The following IL23R variants were observed in gnomAD, a reference collection of about 807,000 sequenced individuals.
IL23R encodes the protein interleukin-23 receptor.
In IL23R, 34 loss-of-function variants were observed where a neutral mutation model predicts 56.9. The ratio of observed to expected loss-of-function variants is 0.60; its 90% CI spans 0.45 to 0.80. IL23R has a LOEUF of 0.80. IL23R is among the 30% of genes least tolerant of loss of function. IL23R has a pLI of 0.00. For synonymous variants in IL23R, 230 were observed against 249.2 expected (o/e 0.92, Z 0.73); for missense variants, 635 against 730.0 (o/e 0.87, Z 1.50).
chr1:67,241,613 GGTTATGGTGTCCT>G (rs1272122554), intron 9 of IL23R, among the ~76,000 whole-genome samples: 16 of 152,236 alleles, frequency 1.1e-4, no homozygotes, highest in Non-Finnish European at 2.2e-4. Flanking sequence ...GTAATTCATA[GGTTATGGTGTCCT>G]GATGGTCACA....
intron 1 of IL23R, among the ~76,000 whole-genome samples, chr1:67,147,743 G>C (rs1464771540): frequency 6.6e-6 from 1 of 152,044 alleles, no homozygotes; most frequent in Middle Eastern, 3.2e-3. Context: ...TAGTTCTCTC[G>C]TACTGCTCTC....
At chr1:67,247,625 T>A (rs1315445657) in intron 9 of IL23R, among the ~76,000 whole-genome samples, 1 of 152,190 alleles carries the variant, frequency 6.6e-6, no homozygotes, top group African/African-American at 2.4e-5. Flanking sequence ...CATTTAAGGT[T>A]AATATTGTTA....
chr1:67,261,753 A>C (rs1419204606), downstream of IL23R, among the ~76,000 whole-genome samples: 1 of 152,254 alleles, frequency 6.6e-6, no homozygotes, highest in Non-Finnish European at 1.5e-5. Context: ...ATATTTTTAT[A>C]GTACGTTTCA....
chr1:67,155,970 G>GT (rs1403778404), intron 1 of IL23R, among the ~76,000 whole-genome samples: 3 of 152,248 alleles, frequency 2.0e-5, no homozygotes, highest in East Asian at 3.9e-4. Flanking sequence ...TTTGGATAGG[G>GT]TTTTTGTGGG....
At chr1:67,161,795 T>C (rs1646823281), upstream of IL23R, among the ~76,000 whole-genome samples, 1 of 151,802 alleles carries the variant, frequency 6.6e-6, no homozygotes, top group Non-Finnish European at 1.5e-5. Context: ...GCCTGGCTAA[T>C]TTTTGTATTT....
chr1:67,206,810 T>A, intron 5 of IL23R, 100 bp from the exon 6 acceptor site: 1 of 1,253,570 alleles, frequency 8.0e-7, no homozygotes, highest in South Asian at 1.4e-5. Context: ...TTTTTTTTAC[T>A]TTGAGCTTTC....
At chr1:67,179,096 T>C (rs181770829) in intron 3 of IL23R, among the ~76,000 whole-genome samples, 2 of 152,314 alleles carry the variant, frequency 1.3e-5, no homozygotes, top group African/African-American at 4.8e-5. Context: ...GTTGTGTCTC[T>C]GCCAGGCTTT....
At chr1:67,191,516 T>C (rs1647742702) in intron 4 of IL23R, among the ~76,000 whole-genome samples, 1 of 152,236 alleles carries the variant, frequency 6.6e-6, no homozygotes, top group South Asian at 2.1e-4. Context: ...TCATTCCCAT[T>C]GGCTTTTAAG....
At chr1:67,162,993 T>G (rs981007172), upstream of IL23R, among the ~76,000 whole-genome samples, 2 of 152,232 alleles carry the variant, frequency 1.3e-5, no homozygotes, top group African/African-American at 2.4e-5. Flanking sequence ...CTTCACTTAC[T>G]GGCGTTGTAA....
intron 7 of IL23R, among the ~76,000 whole-genome samples, chr1:67,228,742 CAT>C (rs1440693713): frequency 1.3e-5 from 2 of 152,232 alleles, no homozygotes; most frequent in African/African-American, 4.8e-5. Flanking sequence ...AGGCTGCCTA[CAT>C]TCCTCAGCTC....
At chr1:67,172,186 G>T (rs868259580) in intron 3 of IL23R, among the ~76,000 whole-genome samples, 1 of 152,136 alleles carries the variant, frequency 6.6e-6, no homozygotes, top group Admixed American at 6.5e-5. Context: ...GGTCAAAAAA[G>T]GGTTTTTGAG....
At chr1:67,172,245 A>G (rs1285233691) in intron 3 of IL23R, among the ~76,000 whole-genome samples, 1 of 152,146 alleles carries the variant, frequency 6.6e-6, no homozygotes, top group Non-Finnish European at 1.5e-5. Context: ...GACCACTTTG[A>G]TCACAGGATA....
At chr1:67,142,277 G>T (rs1474276858) in intron 1 of IL23R, among the ~76,000 whole-genome samples, 2 of 151,956 alleles carry the variant, frequency 1.3e-5, no homozygotes, top group African/African-American at 4.8e-5. Flanking sequence ...AAATTAAAAA[G>T]AATATTTTTA....
chr1:67,210,721 C>T (rs1449614592), intron 6 of IL23R, among the ~76,000 whole-genome samples: 5 of 152,214 alleles, frequency 3.3e-5, no homozygotes, highest in South Asian at 2.1e-4. Flanking sequence ...CTGGCTTTCT[C>T]GTCAGCCTCC....
chr1:67,152,461 A>G (rs956723686), intron 1 of IL23R, among the ~76,000 whole-genome samples: 2 of 152,108 alleles, frequency 1.3e-5, no homozygotes, highest in Non-Finnish European at 2.9e-5. Flanking sequence ...CTCTTGCCTG[A>G]TTTCCCTGGC....
chr1:67,176,445 CT>C (rs145810507), intron 3 of IL23R, among the ~76,000 whole-genome samples: 3,583 of 147,940 alleles, frequency 0.024, 125 homozygotes, highest in African/African-American at 0.083. Flanking sequence ...CTTCATATTT[CT>C]TTTTTTTTTA....
At chr1:67,157,026 C>G (rs540575518) in intron 1 of IL23R, among the ~76,000 whole-genome samples, 2 of 152,312 alleles carry the variant, frequency 1.3e-5, no homozygotes, top group Admixed American at 6.5e-5. Flanking sequence ...CAGTCCCTTA[C>G]CGCTTCACTT....
At chr1:67,163,734 T>C (rs868673163), upstream of IL23R, among the ~76,000 whole-genome samples, 17 of 152,272 alleles carry the variant, frequency 1.1e-4, no homozygotes, top group Admixed American at 4.6e-4. Context: ...CACCTGCTCC[T>C]GCTTTGCCTT....
intron 1 of IL23R, among the ~76,000 whole-genome samples, chr1:67,161,218 C>T (rs573443917): frequency 5.9e-5 from 9 of 152,282 alleles, no homozygotes; most frequent in South Asian, 4.1e-4. Flanking sequence ...TAAGTGAAAT[C>T]GTACATCAGT....
Sources: gnomAD v4.1 joint callset for allele counts (sites outside exome capture counted in the v4.1 genomes callset) on GRCh38, gnomAD v4.1.1 for gene constraint, MANE v1.5 for transcripts, NCBI Gene and HGNC (gene_info 2026-07-23, HGNC 2026-07-21) for gene names.